WDR59: variants seen among roughly 807,000 people sequenced by gnomAD.
WDR59 encodes the protein GATOR2 complex protein WDR59.
Under a neutral mutation model 131.2 loss-of-function variants are expected in WDR59, and 100 were observed. The ratio of observed to expected loss-of-function variants is 0.76; its 90% CI spans 0.65 to 0.90. The LOEUF (loss-of-function observed/expected upper bound fraction) is 0.90. Ranked by LOEUF, WDR59 falls within the 40% of genes least tolerant of loss-of-function variation. WDR59 has a pLI of 0.00. For missense variants in WDR59, 1,203 were observed against 1,262.2 expected (o/e 0.95, Z 0.71); for synonymous variants, 601 against 466.2 (o/e 1.29, Z -3.72).
intron 25 of WDR59, among the ~76,000 whole-genome samples, chr16:74,884,320 A>AAGCT (rs1286009266): frequency 6.6e-6 from 1 of 152,174 alleles, no homozygotes; most frequent in African/African-American, 2.4e-5. Flanking sequence ...ATGCCCTTGG[A>AAGCT]AGCTTACCAT....
At chr16:74,973,730 G>C (rs2034078112) in intron 1 of WDR59, among the ~76,000 whole-genome samples, 1 of 152,188 alleles carries the variant, frequency 6.6e-6, no homozygotes, top group Non-Finnish European at 1.5e-5. Context: ...ATGGTGGATT[G>C]TAAAATTAAA....
At chr16:74,961,309 A>G (rs2033556802) in intron 2 of WDR59, among the ~76,000 whole-genome samples, 1 of 152,162 alleles carries the variant, frequency 6.6e-6, no homozygotes, top group Non-Finnish European at 1.5e-5. Context: ...TCAAAACAAC[A>G]ACAACAACAA....
intron 1 of WDR59, 89 bp downstream of exon 1, chr16:74,984,875 C>A (rs1406125258): frequency 1.6e-5 from 25 of 1,543,436 alleles, no homozygotes; most frequent in Admixed American, 1.9e-5. Flanking sequence ...AGGGTCTCCC[C>A]GTAGCCCCCC....
Position 74,934,415 on chromosome 16 carries a change from G to C in WDR59, c.651+3735C>G, listed in dbSNP as rs112485211. On this transcript the variant is annotated intron_variant, in intron 8 of 25. Coordinates refer to ENST00000262144, the MANE Select transcript of WDR59 (RefSeq NM_030581.4). ...ATTAATTAGAGGACCCTGGAGATTT[G>C]ATAATATCCTCACTGTTCATAACAT... Among the ~76,000 whole-genome samples, 203 of 152,194 alleles carry C rather than the reference G, an allele frequency of 1.3e-3. 2 individuals are homozygous for C. Among genetic ancestry groups the C allele is most frequent in the Middle Eastern group, 6.8e-3 (2 of 294 alleles).
At chr16:74,916,869 A>AC (rs200928166) in intron 11 of WDR59, among the ~76,000 whole-genome samples, 2,996 of 151,854 alleles carry the variant, frequency 0.02, 81 homozygotes, top group African/African-American at 0.066. Context: ...AAAAAAAAAA[A>AC]AACGAAAACC....
intron 5 of WDR59, among the ~76,000 whole-genome samples, chr16:74,948,921 C>T (rs1364476508): frequency 1.3e-5 from 2 of 152,038 alleles, no homozygotes; most frequent in Admixed American, 6.6e-5. Flanking sequence ...TTGTTTGAAC[C>T]CAGGAGGCAG....
chr16:74,982,799 G>A (rs1376914920), intron 1 of WDR59, among the ~76,000 whole-genome samples: 1 of 152,142 alleles, frequency 6.6e-6, no homozygotes, highest in Non-Finnish European at 1.5e-5. Context: ...AGAGGCTACT[G>A]ATCAGAGGGC....
chr16:74,980,225 A>C (rs1006509628), intron 1 of WDR59, among the ~76,000 whole-genome samples: 2 of 151,892 alleles, frequency 1.3e-5, no homozygotes, highest in African/African-American at 4.8e-5. Context: ...GCCAAGCAGC[A>C]CAGGCTCTTG....
At chr16:74,960,769 A>AAG (rs1567434431) in intron 2 of WDR59, among the ~76,000 whole-genome samples, 1 of 150,740 alleles carries the variant, frequency 6.6e-6, no homozygotes, top group Non-Finnish European at 1.5e-5. Context: ...AAAAAAAAAA[A>AAG]AGAGAGAGAG....
intron 19 of WDR59, among the ~76,000 whole-genome samples, chr16:74,892,772 T>C (rs1965106206): frequency 6.6e-6 from 1 of 152,204 alleles, no homozygotes; most frequent in Admixed American, 6.5e-5. Context: ...GGTTCCAGCC[T>C]GGGGAACTTG....
At chr16:74,945,066 G>T (rs1437063123) in intron 6 of WDR59, among the ~76,000 whole-genome samples, 1 of 151,868 alleles carries the variant, frequency 6.6e-6, no homozygotes, top group Non-Finnish European at 1.5e-5. Flanking sequence ...GGAGGTTGCG[G>T]TGAGCCAAGA....
At chr16:74,911,012 C>T (rs934535083) in intron 14 of WDR59, among the ~76,000 whole-genome samples, 2 of 152,120 alleles carry the variant, frequency 1.3e-5, no homozygotes, top group South Asian at 2.1e-4. Flanking sequence ...TACAGGCATG[C>T]GCCACCACGC....
intron 1 of WDR59, among the ~76,000 whole-genome samples, chr16:74,980,062 T>C (rs1239974112): frequency 2.6e-5 from 4 of 151,748 alleles, no homozygotes; most frequent in Admixed American, 6.6e-5. Flanking sequence ...GCTTTCACCA[T>C]GTTAGCCAGG....
At chr16:74,950,252 G>C (rs768239527) in intron 4 of WDR59, among the ~76,000 whole-genome samples, 3 of 152,118 alleles carry the variant, frequency 2.0e-5, no homozygotes, top group Non-Finnish European at 2.9e-5. Flanking sequence ...ATTTGAACCT[G>C]GGAGGCAGAT....
In WDR59 at chr16:74,874,146, A is replaced by G; in HGVS notation, c.*63T>C. On this transcript the variant is annotated 3_prime_UTR_variant, in exon 26 of 26. Transcript: ENST00000262144. ...GGTTCTGGAGCCTCTCCCCTGACAG[A>G]CAGCTTGTCACCGGCACTTATGGGT... is the stretch of plus-strand genomic sequence containing the variant. 2 of 1,408,074 alleles carry G rather than the reference A, an allele frequency of 1.4e-6. No homozygotes were observed. The highest frequency in any genetic ancestry group is 1.8e-4 in the Middle Eastern group (1 of 5,616). The allele number at this position is 1,408,074 out of a possible 1,614,324, so 87.2% of individuals were successfully genotyped here.
At chr16:74,904,943 C>T (rs1184061517) in intron 17 of WDR59, among the ~76,000 whole-genome samples, 1 of 152,180 alleles carries the variant, frequency 6.6e-6, no homozygotes, top group African/African-American at 2.4e-5. Context: ...AACTATTTTT[C>T]TCTACAAAAT....
intron 1 of WDR59, among the ~76,000 whole-genome samples, chr16:74,972,971 G>A (rs1040540853): frequency 1.3e-5 from 2 of 151,678 alleles, no homozygotes; most frequent in East Asian, 1.9e-4. Context: ...GGTCGCTCAC[G>A]CCTGTAATCC....
At chr16:74,915,625 A>C in intron 13 of WDR59, 1 of 336,434 alleles carries the variant, frequency 3.0e-6, no homozygotes. Flanking sequence ...CATGTTGGCC[A>C]GGCTGGTCTC....
intron 13 of WDR59, 48 bp from the exon 14 acceptor site, chr16:74,912,410 T>C (rs1966144630): frequency 3.2e-6 from 5 of 1,581,718 alleles, no homozygotes; most frequent in Non-Finnish European, 4.3e-6. Context: ...CCATAAAGCG[T>C]CTTTCGATGC....
Sources: allele counts gnomAD v4.1 joint callset (sites outside exome capture counted in the v4.1 genomes callset), GRCh38; gene constraint gnomAD v4.1.1; transcripts MANE v1.5; gene names NCBI Gene and HGNC (gene_info 2026-07-23, HGNC 2026-07-21).